ARHGEF33: variants seen among roughly 807,000 people sequenced by gnomAD.
The protein encoded by ARHGEF33 is Rho guanine nucleotide exchange factor 33, also known as DH and coiled-coil domain-containing protein ENSP00000381780.
A neutral mutation model predicts 101.9 loss-of-function variants in ARHGEF33; 72 were observed. The ratio of observed to expected loss-of-function variants is 0.71; its 90% CI spans 0.58 to 0.86. The LOEUF (loss-of-function observed/expected upper bound fraction) is 0.86, where lower values mean the gene tolerates loss of function less well. Ranked by LOEUF, ARHGEF33 falls within the 40% of genes least tolerant of loss-of-function variation. The pLI is 0.00. For synonymous variants in ARHGEF33, 499 were observed against 442.5 expected, an observed-to-expected ratio of 1.13 and a Z score of -1.60; for missense variants, 1,169 against 1,111.3, an observed-to-expected ratio of 1.05 and a Z score of -0.74.
At position 38,972,268 on chromosome 2, in the gene ARHGEF33, G is replaced by C. The variant is rs139649823; in HGVS notation, c.2484-1446G>C. ...TCATCAGGGATGATTTGAACTGGAG[G>C]TAAGGGGGATCTGTGAAAGACAAGA... is the stretch of plus-strand genomic sequence containing the variant. On this transcript the variant is annotated intron_variant, in intron 17 of 17. Coordinates refer to ENST00000409978, the MANE Select transcript of ARHGEF33 (RefSeq NM_001145451.5). 6.8e-3 allele frequency among the ~76,000 whole-genome samples: 1,033 copies of C among 152,300 alleles called. 13 individuals carry two copies. Among genetic ancestry groups the C allele is most frequent in the Admixed American group, 0.026 (399 of 15,298 alleles).
intron 4 of ARHGEF33, among the ~76,000 whole-genome samples, chr2:38,928,225 G>A (rs1040016350): frequency 3.3e-5 from 5 of 152,050 alleles, no homozygotes; most frequent in African/African-American, 4.8e-5. Flanking sequence ...TGTCAAAGTT[G>A]ACCTGCATGA....
At chr2:38,927,560 G>A (rs1424124408) in intron 4 of ARHGEF33, among the ~76,000 whole-genome samples, 2 of 152,198 alleles carry the variant, frequency 1.3e-5, no homozygotes, top group African/African-American at 4.8e-5. Flanking sequence ...GCTGGATGTG[G>A]TGGCGCATGC....
chr2:38,911,041 C>A (rs139620444), intron 2 of ARHGEF33, among the ~76,000 whole-genome samples: 2 of 152,022 alleles, frequency 1.3e-5, no homozygotes, highest in Admixed American at 6.6e-5. Context: ...ACAGCATTGC[C>A]GTAGTGATCA....
Position 38,907,860 on chromosome 2 carries a change from AT to A in ARHGEF33, c.-85-11486del, listed in dbSNP as rs553491008. 6.4e-3 allele frequency among the ~76,000 whole-genome samples: 836 copies of A among 131,566 alleles called. 1 individual carries two copies. The highest frequency in any genetic ancestry group is 8.3e-3 in the African/African-American group (298 of 35,908). The allele number at this position is 131,566 out of a possible 152,430, so 86.3% of individuals were successfully genotyped here. The stretch of plus-strand genomic sequence containing the variant: ...CCTCTTGCACAGTGTCTCTGGGAGG[AT>A]TTTTTTTTTTTTTTTTAGACAATGT... On this transcript the variant is annotated intron_variant, in intron 2 of 17. Transcript: ENST00000409978.
At chr2:38,959,526 T>C in intron 15 of ARHGEF33, 1 of 273,236 alleles carries the variant, frequency 3.7e-6, no homozygotes, top group East Asian at 6.3e-5. Context: ...AGAAGAGAGT[T>C]GAAGGTGTGC....
rs556983334 is a variant in ARHGEF33 at position 38,944,141 on chromosome 2, T to A, written c.920+111T>A. The A allele has an allele frequency of 2.8e-5, 33 of 1,176,900 alleles. No individual in the cohort carries two copies. The Admixed American group carries it at 3.6e-4, about 13-fold the overall frequency. 72.9% of individuals were successfully genotyped at this position (1,176,900 alleles called of 1,614,324 possible). A position where few individuals can be genotyped will look rare whatever the true frequency, so the allele number is the denominator to read the frequency against. ...GGCCTATGAAGAGTTCCAGAAATAG[T>A]CTTTGAAAAGAGAAGAGGCAGTGAT... On this transcript the variant is annotated intron_variant, in intron 10 of 17. Transcript: ENST00000409978.
intron 17 of ARHGEF33, among the ~76,000 whole-genome samples, chr2:38,967,936 C>CTTT (rs397871559): frequency 3.1e-5 from 3 of 96,364 alleles, no homozygotes; most frequent in South Asian, 3.8e-4. Flanking sequence ...TTGAGCCTAT[C>CTTT]TTTTTTTTTT....
chr2:38,966,740 G>A (rs1668060239), intron 17 of ARHGEF33, among the ~76,000 whole-genome samples: 1 of 152,176 alleles, frequency 6.6e-6, no homozygotes, highest in Admixed American at 6.5e-5. Context: ...GTCCTTCTGA[G>A]ATTCTAAGTC....
intron 2 of ARHGEF33, among the ~76,000 whole-genome samples, chr2:38,906,387 A>C (rs1317794437): frequency 6.6e-6 from 1 of 152,128 alleles, no homozygotes; most frequent in Non-Finnish European, 1.5e-5. Flanking sequence ...AGGAATCAAA[A>C]AATAGCTTCT....
chr2:38,972,032 C>G, intron 17 of ARHGEF33: 1 of 693,782 alleles, frequency 1.4e-6, no homozygotes. Context: ...AGGGGAAATA[C>G]GAGGCAAAGA....
chr2:38,964,075 G>T (rs1420255803), intron 16 of ARHGEF33, among the ~76,000 whole-genome samples: 5 of 152,154 alleles, frequency 3.3e-5, no homozygotes, highest in African/African-American at 1.2e-4. Context: ...ATCTGGGGGT[G>T]ATGGGTGAGA....
intron 2 of ARHGEF33, among the ~76,000 whole-genome samples, chr2:38,903,377 T>C (rs1396243826): frequency 2.6e-5 from 4 of 151,922 alleles, no homozygotes; most frequent in African/African-American, 9.7e-5. Context: ...AAGTTAAAGA[T>C]GCAAGGACTA....
intron 2 of ARHGEF33, among the ~76,000 whole-genome samples, chr2:38,916,801 C>CTT (rs200104155): frequency 0.011 from 1,470 of 137,990 alleles, 31 homozygotes; most frequent in East Asian, 0.067. Context: ...ATAATAAAGT[C>CTT]TTTTTTTTTT....
intron 9 of ARHGEF33, among the ~76,000 whole-genome samples, chr2:38,939,974 G>A (rs1390846669): frequency 6.6e-6 from 1 of 152,206 alleles, no homozygotes; most frequent in Admixed American, 6.5e-5. Context: ...AATAAATTTT[G>A]ATGTACAGTG....
intron 9 of ARHGEF33, among the ~76,000 whole-genome samples, chr2:38,938,283 C>T (rs1034763472): frequency 2.7e-4 from 41 of 152,114 alleles, no homozygotes; most frequent in African/African-American, 9.7e-4. Flanking sequence ...CACTTGTAAT[C>T]CCAGCACTTT....
At chr2:38,913,563 C>T (rs930125700) in intron 2 of ARHGEF33, among the ~76,000 whole-genome samples, 2 of 152,008 alleles carry the variant, frequency 1.3e-5, no homozygotes, top group Non-Finnish European at 2.9e-5. Context: ...TCATTTGAGA[C>T]CTGGAGTTTG....
At chr2:38,961,924 C>T (rs990090895) in intron 16 of ARHGEF33, among the ~76,000 whole-genome samples, 1 of 151,940 alleles carries the variant, frequency 6.6e-6, no homozygotes, top group Non-Finnish European at 1.5e-5. Context: ...TGCCTTTTCT[C>T]TGGCATACTG....
intron 7 of ARHGEF33, 107 bp downstream of exon 7, chr2:38,931,358 G>A (rs1666999430): frequency 1.9e-6 from 2 of 1,030,918 alleles, no homozygotes; most frequent in Non-Finnish European, 1.4e-6. Flanking sequence ...ATGGTGTATT[G>A]CCTAGAATTT....
chr2:38,916,037 T>G (rs534747887), intron 2 of ARHGEF33, among the ~76,000 whole-genome samples: 1 of 152,156 alleles, frequency 6.6e-6, no homozygotes, highest in African/African-American at 2.4e-5. Flanking sequence ...AAAAATAAAA[T>G]AAAAGAAAGT....
Sources: allele counts gnomAD v4.1 joint callset (sites outside exome capture counted in the v4.1 genomes callset), GRCh38; gene constraint gnomAD v4.1.1; transcripts MANE v1.5; gene names NCBI Gene and HGNC (gene_info 2026-07-23, HGNC 2026-07-21).